ASH1L: variants seen among roughly 807,000 people sequenced by gnomAD.
The protein encoded by ASH1L is histone-lysine N-methyltransferase ASH1L.
Under a neutral mutation model 269.0 loss-of-function variants are expected in ASH1L, and 23 were observed. The ratio of observed to expected loss-of-function variants is 0.09; its 90% confidence interval spans 0.06 to 0.12. The LOEUF (loss-of-function observed/expected upper bound fraction) is 0.12, where lower values mean the gene tolerates loss of function less well. Among genes scored for constraint, ASH1L ranks in the 10% least tolerant of loss-of-function variants. The pLI is 1.00. For missense variants in ASH1L, 2,912 were observed against 3,567.8 expected, an observed-to-expected ratio of 0.82 and a Z score of 4.68; for synonymous variants, 1,187 against 1,253.5, an observed-to-expected ratio of 0.95 and a Z score of 1.12.
At chr1:155,552,152 T>C (rs1278431008) in intron 1 of ASH1L, among the ~76,000 whole-genome samples, 1 of 152,064 alleles carries the variant, frequency 6.6e-6, no homozygotes, top group Non-Finnish European at 1.5e-5. Flanking sequence ...GAATAGTGCC[T>C]GGCACATAGT....
chr1:155,521,645 T>C, intron 1 of ASH1L, 27 bp from the exon 2 acceptor site: 2 of 930,934 alleles, frequency 2.1e-6, no homozygotes, highest in East Asian at 2.5e-5. Flanking sequence ...AACAAAAATT[T>C]ATCAGAAAAG....
chr1:155,493,372 C>T (rs1435593197), intron 2 of ASH1L, among the ~76,000 whole-genome samples: 1 of 152,102 alleles, frequency 6.6e-6, no homozygotes, highest in Non-Finnish European at 1.5e-5. Context: ...TTTAGTCAAG[C>T]TTTTTCGTGT....
At chr1:155,354,299 C>T (rs1043709554) in intron 16 of ASH1L, among the ~76,000 whole-genome samples, 174 bp downstream of exon 16, 2 of 152,074 alleles carry the variant, frequency 1.3e-5, no homozygotes, top group African/African-American at 4.8e-5. Flanking sequence ...AAAAATTAGC[C>T]GGGCATGGTG....
chr1:155,349,195 A>T, intron 19 of ASH1L, 132 bp downstream of exon 19: 2 of 908,048 alleles, frequency 2.2e-6, no homozygotes, highest in Non-Finnish European at 3.3e-6. Context: ...CACATACCCC[A>T]AGGATACTCA....
rs1475364657 is a variant in ASH1L, at chr1:155,521,180, T to C, written c.340A>G (p.Thr114Ala). The C allele has an allele frequency of 2.5e-6, 4 of 1,613,996 alleles. No individual in the cohort carries two copies. In the East Asian group the frequency reaches 6.7e-5, roughly 27 times the overall value. ...GCTTTCCTTGGGTGCTTAATAGTTG[T>C]TTTTATGGCAGGTCGACATACATAG... ...ENYVCRPAIKTTIKHPRKALK... is the reference protein window; with the variant it reads ...ENYVCRPAIKATIKHPRKALK... Residue 114 changes from threonine (T) to alanine (A), a missense_variant, in exon 2 of 28, where the codon ACA (threonine) becomes GCA (alanine). By Grantham distance (58) the Thr-to-Ala change is moderately conservative (BLOSUM62 0). Around this residue, in one of 13 missense-constraint regions of ASH1L, gnomAD observed 277 missense variants for 367.7 expected, o/e 0.75. Transcript: ENST00000392403.
chr1:155,377,129 A>G (rs1433661173), intron 10 of ASH1L, among the ~76,000 whole-genome samples: 1 of 148,932 alleles, frequency 6.7e-6, no homozygotes, highest in Non-Finnish European at 1.5e-5. Flanking sequence ...CTGGTCTTGA[A>G]CTCCCGACCT....
At chr1:155,489,253 A>G (rs1016792416) in intron 2 of ASH1L, among the ~76,000 whole-genome samples, 7 of 151,972 alleles carry the variant, frequency 4.6e-5, no homozygotes, top group African/African-American at 1.7e-4. Context: ...AGGGCAGAAC[A>G]TCAGGTCAGG....
intron 2 of ASH1L, among the ~76,000 whole-genome samples, chr1:155,509,893 C>T (rs1023503343): frequency 6.6e-6 from 1 of 152,172 alleles, no homozygotes; most frequent in Non-Finnish European, 1.5e-5. Context: ...CCATAACAAA[C>T]TCCAAATGGA....
chr1:155,547,969 C>CCGTCTCAAAAAAGAAAAAACA (rs1201057564), intron 1 of ASH1L, among the ~76,000 whole-genome samples: 1 of 152,156 alleles, frequency 6.6e-6, no homozygotes, highest in East Asian at 1.9e-4. Flanking sequence ...GAGCGAGACT[C>CCGTCTCAAAAAAGAAAAAACA]CGTCTCAAAA....
chr1:155,458,769 G>C (rs757247218), intron 4 of ASH1L, among the ~76,000 whole-genome samples: 5 of 151,768 alleles, frequency 3.3e-5, no homozygotes, highest in African/African-American at 1.2e-4. Flanking sequence ...TCTTTAGTCT[G>C]ACCACACTGG....
chr1:155,440,882 T>G lies in ASH1L; in HGVS notation c.5087-1814A>C, dbSNP rs1031571882. Among the ~76,000 whole-genome samples the G allele has an allele frequency of 3.8e-4, 58 of 152,186 alleles. 1 individual carries two copies. Among genetic ancestry groups the G allele is most frequent in the Admixed American group, 2.6e-4 (4 of 15,274 alleles). ...AACTAGCTCCTCCATCCAGATTCCC[T>G]ACATCAGTGAATGATACCATAAAGC... On this transcript the variant is annotated intron_variant, in intron 4 of 27. Coordinates refer to ENST00000392403, the MANE Select transcript of ASH1L (RefSeq NM_018489.3).
At chr1:155,504,467 G>C (rs1667694815) in intron 2 of ASH1L, among the ~76,000 whole-genome samples, 1 of 152,092 alleles carries the variant, frequency 6.6e-6, no homozygotes, top group Non-Finnish European at 1.5e-5. Context: ...ATATTATATA[G>C]CTTGACTTTC....
At chr1:155,510,538 T>C (rs140197165) in intron 2 of ASH1L, among the ~76,000 whole-genome samples, 49 of 151,750 alleles carry the variant, frequency 3.2e-4, no homozygotes, top group African/African-American at 1.1e-3. Context: ...TACAGAGCAG[T>C]AGGTACAGTG....
Position 155,481,320 on chromosome 1 carries a change from G to A in ASH1L, c.1550C>T (p.Ser517Leu). 3 of 1,614,108 alleles carry A rather than the reference G, an allele frequency of 1.9e-6. No individual in the cohort carries two copies. The highest frequency in any genetic ancestry group is 2.5e-6 in the Non-Finnish European group (3 of 1,179,970). ...SSSEKGSYET[S>L]KHEKQPPVYC... ...TACAGGAGGCTGCTTTTCATGCTTTGAGGTTTCATAAGATCCCTTTTCACT... is the reference window on the plus strand; with the variant it reads ...TACAGGAGGCTGCTTTTCATGCTTTAAGGTTTCATAAGATCCCTTTTCACT... Residue 517 changes from serine (S) to leucine (L), a missense_variant, in exon 3 of 28, where the codon TCA becomes TTA. By Grantham distance (145) the Ser-to-Leu change is moderately radical (BLOSUM62 -2). Around this residue, in one of 13 missense-constraint regions of ASH1L, gnomAD observed 715 missense variants for 721.0 expected, o/e 0.99. Coordinates refer to ENST00000392403, the MANE Select transcript of ASH1L (RefSeq NM_018489.3).
rs12128370 is a variant in ASH1L at position 155,487,980 on chromosome 1, C to T, written c.421-5531G>A. Reference sequence around the variant, plus strand: ...TCGGCTCACTGCAACCTCCGCCTCCCGGGTCCAAGCAATTCTCTGCCTCAG... The same window carrying T: ...TCGGCTCACTGCAACCTCCGCCTCCTGGGTCCAAGCAATTCTCTGCCTCAG... On this transcript the variant is annotated intron_variant, in intron 2 of 27. Coordinates refer to ENST00000392403, the MANE Select transcript of ASH1L (RefSeq NM_018489.3). Among the ~76,000 whole-genome samples, 236 of 151,988 alleles carry T rather than the reference C, an allele frequency of 1.6e-3. 2 individuals carry two copies. The highest frequency in any genetic ancestry group is 4.5e-3 in the African/African-American group (186 of 41,468).
chr1:155,478,955 A>G lies in ASH1L; in HGVS notation c.3915T>C (p.His1305=). ...CTCGGGGGATAAAATGATGACTTCG[A>G]TGAGTGATCCGAATTTCACTTAGGC... ...ISRLSEIRIT[H]RSHHFIPRDL... is the part of the protein sequence containing the mutation. Residue 1305 remains histidine, a synonymous_variant, in exon 3 of 28, where the codon CAT becomes CAC. Transcript: ENST00000392403. The surrounding 1 kb of genome is among the most constrained non-coding windows in gnomAD (Gnocchi z 4.6). The G allele has an allele frequency of 1.2e-6, 2 of 1,613,876 alleles. No individual in the cohort carries two copies. The highest frequency in any genetic ancestry group is 1.7e-6 in the Non-Finnish European group (2 of 1,180,026).
intron 1 of ASH1L, among the ~76,000 whole-genome samples, chr1:155,559,304 C>T (rs1418205593): frequency 1.3e-5 from 2 of 151,954 alleles, no homozygotes; most frequent in African/African-American, 2.4e-5. Context: ...TTTGGGAGGC[C>T]GAGGCGGGTG....
intron 5 of ASH1L, among the ~76,000 whole-genome samples, chr1:155,418,461 G>T (rs1197826352): frequency 6.6e-6 from 1 of 151,872 alleles, no homozygotes; most frequent in Non-Finnish European, 1.5e-5. Flanking sequence ...AGAGATTAAA[G>T]AAAAGAATAA....
intron 19 of ASH1L, 87 bp downstream of exon 19, chr1:155,349,240 G>C: frequency 6.9e-7 from 1 of 1,453,214 alleles, no homozygotes; most frequent in Non-Finnish European, 9.3e-7. Flanking sequence ...AAATATGGCT[G>C]ATAGAGGAGG....
Sources: allele counts gnomAD v4.1 joint callset (sites outside exome capture counted in the v4.1 genomes callset), GRCh38; gene constraint gnomAD v4.1.1; regional missense constraint gnomAD v4.1.1; non-coding constraint Gnocchi (gnomAD v3.1); transcripts MANE v1.5; gene names NCBI Gene and HGNC (gene_info 2026-07-23, HGNC 2026-07-21).